Variants in PCDHGA5 observed in about 807,000 individuals in gnomAD.
PCDHGA5 encodes the protein protocadherin gamma subfamily A, 5.
PCDHGA5 carries 36 observed loss-of-function variants against 56.7 expected under a neutral mutation model. The ratio of observed to expected loss-of-function variants is 0.64; its 90% confidence interval spans 0.49 to 0.84. The LOEUF is 0.84. Among genes scored for constraint, PCDHGA5 ranks in the 40% least tolerant of loss-of-function variants. The pLI is 0.00. For missense variants in PCDHGA5, 1,305 were observed against 1,201.5 expected (o/e 1.09, Z -1.27); for synonymous variants, 563 against 520.2 (o/e 1.08, Z -1.12).
At chr5:141,461,242 T>G (rs1246270739) in intron 1 of PCDHGA5, among the ~76,000 whole-genome samples, 1 of 152,170 alleles carries the variant, frequency 6.6e-6, no homozygotes, top group Non-Finnish European at 1.5e-5. Context: ...TGTACTAATT[T>G]ATATTCCCAG....
chr5:141,472,132 A>C (rs1004365239), intron 1 of PCDHGA5, among the ~76,000 whole-genome samples: 3 of 152,272 alleles, frequency 2.0e-5, no homozygotes, highest in African/African-American at 7.2e-5. Flanking sequence ...GAGAAGTTAA[A>C]AATAAAAGTT....
chr5:141,478,748 A>G (rs2099474609), intron 1 of PCDHGA5: 2 of 1,525,644 alleles, frequency 1.3e-6, no homozygotes, highest in African/African-American at 1.4e-5. Context: ...GTCCCATTTC[A>G]GGGGGAAGAT....
intron 1 of PCDHGA5, chr5:141,426,875 C>T (rs1005769074): frequency 8.8e-6 from 4 of 456,566 alleles, no homozygotes; most frequent in African/African-American, 4.0e-5. Context: ...TGGAGAAGCC[C>T]CTGGGCCAGG....
At chr5:141,395,215 A>G in intron 1 of PCDHGA5, 1 of 1,612,350 alleles carries the variant, frequency 6.2e-7, no homozygotes, top group Middle Eastern at 1.7e-4. Context: ...CATGAATATA[A>G]GAATGAAGCT....
intron 1 of PCDHGA5, among the ~76,000 whole-genome samples, chr5:141,433,790 T>A (rs1052636810): frequency 2.0e-5 from 3 of 151,564 alleles, no homozygotes; most frequent in South Asian, 4.2e-4. Flanking sequence ...TGAGCTGAGA[T>A]TGTGCCATTG....
chr5:141,452,888 C>T (rs62379168), intron 1 of PCDHGA5, among the ~76,000 whole-genome samples: 13,856 of 152,130 alleles, frequency 0.091, 849 homozygotes, highest in African/African-American at 0.17. Flanking sequence ...TAATTTATTC[C>T]ACTTTTATTA....
In PCDHGA5 at chr5:141,487,414, T is replaced by C; in HGVS notation, c.2422-7393T>C. On this transcript the variant is annotated intron_variant, in intron 1 of 3. Coordinates refer to ENST00000518069, the MANE Select transcript of PCDHGA5 (RefSeq NM_018918.3). This position sits in a 1 kb window ranked among gnomAD's most constrained non-coding sequence, Gnocchi z 5.0. The stretch of plus-strand genomic sequence containing the variant: ...GGAGGGAGGGGCTTCCCCCTTCCAA[T>C]GGGATCCTCCGAATCCAGCTAGGGT... 3.7e-6 allele frequency: 6 copies of C among 1,614,174 alleles called. No individual in the cohort carries two copies. The highest frequency in any genetic ancestry group is 5.1e-6 in the Non-Finnish European group (6 of 1,180,006).
intron 1 of PCDHGA5, chr5:141,374,557 T>C (rs1561563298): frequency 1.9e-6 from 3 of 1,613,702 alleles, no homozygotes. Flanking sequence ...TGGAGGTCTA[T>C]GACCCTGATG....
intron 1 of PCDHGA5, among the ~76,000 whole-genome samples, chr5:141,406,540 A>C (rs1180847016): frequency 6.6e-6 from 1 of 152,216 alleles, no homozygotes; most frequent in Non-Finnish European, 1.5e-5. Context: ...ACGAAGATTC[A>C]AACTTCAGTT....
intron 1 of PCDHGA5, chr5:141,403,207 C>G: frequency 6.2e-7 from 1 of 1,613,966 alleles, no homozygotes. Context: ...GCACCTTGGT[C>G]ACCGCGGGTA....
intron 1 of PCDHGA5, among the ~76,000 whole-genome samples, chr5:141,483,631 T>C (rs973545851): frequency 2.7e-5 from 4 of 149,022 alleles, no homozygotes; most frequent in African/African-American, 1.0e-4. Flanking sequence ...TGGGAGAAGG[T>C]ATAGAGGGGT....
At chr5:141,402,284 T>C (rs2150926780) in intron 1 of PCDHGA5, among the ~76,000 whole-genome samples, 1 of 152,054 alleles carries the variant, frequency 6.6e-6, no homozygotes, top group African/African-American at 2.4e-5. Context: ...GGATAATCTA[T>C]CCTTATATAT....
At chr5:141,415,479 A>G (rs750765604) in intron 1 of PCDHGA5, 19 of 1,613,988 alleles carry the variant, frequency 1.2e-5, no homozygotes, top group South Asian at 2.2e-5. Flanking sequence ...CGGACTCGCG[A>G]AAGAGTCACC....
In PCDHGA5 at chr5:141,491,443, G is replaced by C. The variant is rs955584868; in HGVS notation, c.2422-3364G>C. On this transcript the variant is annotated intron_variant, in intron 1 of 3. Transcript: ENST00000518069. This position sits in a 1 kb window ranked among gnomAD's most constrained non-coding sequence, Gnocchi z 6.9. ...TGGAGGGCAGTGCTGCAGGCGCCAG[G>C]ACTCACCCTCCCCGGACTTCTATAA... 1 of 1,613,998 alleles carries C rather than the reference G, an allele frequency of 6.2e-7. No homozygotes were observed. Among genetic ancestry groups the C allele is most frequent in the Admixed American group, 1.7e-5 (1 of 60,000 alleles).
At position 141,382,899 on chromosome 5, in the gene PCDHGA5, T is replaced by C. The variant is rs148952660; in HGVS notation, c.2421+16148T>C. On this transcript the variant is annotated intron_variant, in intron 1 of 3. Transcript: ENST00000518069. ...GCCTAAGCAAGAGAAGCAGGACGAC[T>C]ATGGCGGCTCAGCCGAGGGGCGGGG... 463 of 1,541,826 alleles carry C rather than the reference T, an allele frequency of 3.0e-4. 2 individuals carry two copies. In the African/African-American group the frequency reaches 5.3e-3, roughly 18 times the overall value.
chr5:141,423,264 C>T (rs1452323474), intron 1 of PCDHGA5: 6 of 1,613,868 alleles, frequency 3.7e-6, no homozygotes, highest in Non-Finnish European at 5.1e-6. Context: ...TCGGCAGCCT[C>T]GAGTCTCTGG....
chr5:141,436,393 A>G (rs560164691), intron 1 of PCDHGA5, among the ~76,000 whole-genome samples: 2 of 152,342 alleles, frequency 1.3e-5, no homozygotes, highest in South Asian at 4.1e-4. Context: ...GCTTTATTAA[A>G]TAGTTGTTGA....
chr5:141,411,017 A>T lies in PCDHGA5; in HGVS notation c.2421+44266A>T, dbSNP rs140607036. ...TACTGGTGCCCCTCACCACAGCTAA[A>T]TTTTTTGTATTTTTAGTAGACATGG... On this transcript the variant is annotated intron_variant, in intron 1 of 3. Transcript: ENST00000518069. 3.9e-3 allele frequency: 631 copies of T among 162,486 alleles called. 5 individuals are homozygous for T. Among genetic ancestry groups the T allele is most frequent in the Admixed American group, 0.011 (172 of 16,000 alleles). 10.1% of individuals were successfully genotyped at this position (162,486 alleles called of 1,614,324 possible).
rs888389135 is a variant in PCDHGA5 at position 141,487,089 on chromosome 5, C to T, written c.2422-7718C>T. 12 of 1,613,882 alleles carry T rather than the reference C, an allele frequency of 7.4e-6. No individual in the cohort carries two copies. Among genetic ancestry groups the T allele is most frequent in the Non-Finnish European group, 1.0e-5 (12 of 1,179,768 alleles). On this transcript the variant is annotated intron_variant, in intron 1 of 3. Coordinates refer to ENST00000518069, the MANE Select transcript of PCDHGA5 (RefSeq NM_018918.3). The surrounding 1 kb of genome is among the most constrained non-coding windows in gnomAD (Gnocchi z 5.0). The stretch of plus-strand genomic sequence containing the variant: ...GCTGTTCCTATCCCAGCTGACCTCC[C>T]ACCACAGAAGCTGGTCATTGTGGTA...
Sources: allele counts gnomAD v4.1 joint callset (sites outside exome capture counted in the v4.1 genomes callset), GRCh38; gene constraint gnomAD v4.1.1; non-coding constraint Gnocchi (gnomAD v3.1); transcripts MANE v1.5; gene names NCBI Gene and HGNC (gene_info 2026-07-23, HGNC 2026-07-21).